CD9: variants seen among roughly 807,000 people sequenced by gnomAD.
CD9 encodes CD9 antigen.
CD9 carries 10 observed loss-of-function variants against 31.4 expected under a neutral mutation model. That is an observed-to-expected ratio of 0.32 (90% CI 0.20 to 0.54). The LOEUF (loss-of-function observed/expected upper bound fraction) is 0.54. Ranked by LOEUF, CD9 falls within the 20% of genes least tolerant of loss-of-function variation. CD9 has a pLI of 0.94. For missense variants in CD9, 259 were observed against 300.1 expected (o/e 0.86, Z 1.01); for synonymous variants, 113 against 114.1 (o/e 0.99, Z 0.06).
intron 1 of CD9, among the ~76,000 whole-genome samples, chr12:6,209,181 C>A (rs1178884107): frequency 6.6e-6 from 1 of 151,700 alleles, no homozygotes; most frequent in Non-Finnish European, 1.5e-5. Flanking sequence ...GTTGGCCAGG[C>A]TGGTCTCACC....
At chr12:6,228,150 C>T (rs1196531754) in intron 2 of CD9, among the ~76,000 whole-genome samples, 1 of 152,242 alleles carries the variant, frequency 6.6e-6, no homozygotes, top group African/African-American at 2.4e-5. Context: ...AGCGACACCC[C>T]ATTCGGGGAA....
chr12:6,228,595 C>T (rs1946400039), intron 2 of CD9, among the ~76,000 whole-genome samples: 1 of 150,836 alleles, frequency 6.6e-6, no homozygotes, highest in African/African-American at 2.4e-5. Flanking sequence ...CAGCACAGCA[C>T]TCTGAGCACT....
intron 1 of CD9, among the ~76,000 whole-genome samples, chr12:6,209,463 A>T (rs11568206): frequency 8.5e-5 from 13 of 152,256 alleles, no homozygotes; most frequent in African/African-American, 3.1e-4. Context: ...CCACTAAGAC[A>T]TATTCCTCCT....
rs1388372271 is a variant in CD9, at chr12:6,200,423, G to C, written c.-77G>C. ...ACAGCCGCCTGCATCTGTATCCAGC[G>C]CCAGGTCCCGCCAGTCCCAGCTGCG... On this transcript the variant is annotated 5_prime_UTR_variant, in exon 1 of 8. Transcript: ENST00000009180. The C allele has an allele frequency of 1.1e-6, 1 of 921,980 alleles. No individual in the cohort carries two copies. 57.1% of individuals were successfully genotyped at this position (921,980 alleles called of 1,614,324 possible).
chr12:6,222,868 C>T (rs1409079936), intron 1 of CD9, among the ~76,000 whole-genome samples: 2 of 152,178 alleles, frequency 1.3e-5, no homozygotes, highest in Non-Finnish European at 2.9e-5. Context: ...CAGCTTAGTT[C>T]CTTGGCAGAC....
chr12:6,231,074 C>T (rs187917550), intron 2 of CD9, among the ~76,000 whole-genome samples: 1 of 152,254 alleles, frequency 6.6e-6, no homozygotes, highest in African/African-American at 2.4e-5. Context: ...CATCGAGTGT[C>T]CTGCTGTGTA....
intron 1 of CD9, among the ~76,000 whole-genome samples, chr12:6,220,118 G>T (rs1426880232): frequency 6.6e-6 from 1 of 152,198 alleles, no homozygotes; most frequent in African/African-American, 2.4e-5. Context: ...CAGGATGGAT[G>T]CGACACTGGC....
At chr12:6,213,651 T>C (rs2268015) in intron 1 of CD9, among the ~76,000 whole-genome samples, 95,571 of 152,114 alleles carry the variant, frequency 0.63, 31,720 homozygotes, top group African/African-American at 0.86. Context: ...CTAGAACACC[T>C]ACACCCAGAA....
At chr12:6,206,283 C>T (rs1946131384) in intron 1 of CD9, among the ~76,000 whole-genome samples, 2 of 151,666 alleles carry the variant, frequency 1.3e-5, no homozygotes, top group Non-Finnish European at 2.9e-5. Context: ...TGTTAACAAT[C>T]ATGGCTCATG....
chr12:6,219,835 A>C (rs1056756674), intron 1 of CD9, among the ~76,000 whole-genome samples: 1 of 152,198 alleles, frequency 6.6e-6, no homozygotes, highest in African/African-American at 2.4e-5. Flanking sequence ...ATCTGGATAA[A>C]AGGCCTGATG....
At chr12:6,203,878 A>G (rs1437053631) in intron 1 of CD9, among the ~76,000 whole-genome samples, 1 of 152,176 alleles carries the variant, frequency 6.6e-6, no homozygotes. Context: ...AAAGAGGGAA[A>G]GGTTTGGCTA....
chr12:6,204,589 T>C (rs553471862), intron 1 of CD9, among the ~76,000 whole-genome samples: 21 of 152,186 alleles, frequency 1.4e-4, no homozygotes, highest in Non-Finnish European at 2.5e-4. Context: ...TATACCTTAG[T>C]ACTTGGCCTA....
chr12:6,233,392 G>A lies in CD9; in HGVS notation c.274-20G>A, dbSNP rs371739320. On this transcript the variant is annotated intron_variant, in intron 3 of 7. Coordinates refer to ENST00000009180, the MANE Select transcript of CD9 (RefSeq NM_001769.4). ...GGTTGGCTGGGACTGTTCTCACCCC[G>A]TCCCCTCGTTGCCTTCCAGTTCTTC... is the stretch of plus-strand genomic sequence containing the variant. 3.8e-5 allele frequency: 61 copies of A among 1,602,680 alleles called. No homozygotes were observed. Among genetic ancestry groups the A allele is most frequent in the East Asian group, 1.6e-4 (7 of 44,812 alleles).
chr12:6,228,999 T>C (rs988028808), intron 2 of CD9, among the ~76,000 whole-genome samples: 1 of 152,218 alleles, frequency 6.6e-6, no homozygotes, highest in African/African-American at 2.4e-5. Flanking sequence ...GTGAAAACCT[T>C]TCCAACATTC....
intron 7 of CD9, chr12:6,236,562 G>C: frequency 2.0e-6 from 1 of 490,056 alleles, no homozygotes; most frequent in Non-Finnish European, 3.6e-6. Flanking sequence ...TGCTGGCACT[G>C]CTAGTCCTCG....
intron 1 of CD9, among the ~76,000 whole-genome samples, chr12:6,220,427 G>T (rs1362348307): frequency 6.6e-6 from 1 of 152,190 alleles, no homozygotes; most frequent in Non-Finnish European, 1.5e-5. Flanking sequence ...TGGGAGAGAT[G>T]CAGTGACGAG....
chr12:6,200,505 G>A lies in CD9; in HGVS notation c.6G>A (p.Pro2=). Residue 2 remains proline (P), a synonymous_variant, in exon 1 of 8, where the codon CCG becomes CCA. Coordinates refer to ENST00000009180, the MANE Select transcript of CD9 (RefSeq NM_001769.4). The part of the protein sequence containing the change: M[P]VKGGTKCIKY... Reference sequence around the variant, plus strand: ...AGGCTAAGTTAGCCCTCACCATGCCGGTCAAAGGAGGCACCAAGTGCATCA... The same window carrying A: ...AGGCTAAGTTAGCCCTCACCATGCCAGTCAAAGGAGGCACCAAGTGCATCA... 2 of 1,610,076 alleles carry A rather than the reference G, an allele frequency of 1.2e-6. No homozygotes were observed. The highest frequency in any genetic ancestry group is 1.3e-5 in the African/African-American group (1 of 74,840).
rs1165242515 is a variant in CD9 at position 6,236,240 on chromosome 12, A to C, written c.586A>C (p.Ile196Leu). The change falls in exon 7 of 8, where the codon ATC (isoleucine) becomes CTC (leucine). Residue 196 changes from isoleucine (I) to leucine (L), a missense_variant. Ile to Leu is a conservative substitution (Grantham distance 5). Coordinates refer to ENST00000009180, the MANE Select transcript of CD9 (RefSeq NM_001769.4). ...KEVFDNKFHI[I>L]GAVGIGIAVV... ...GGTCTTCGACAATAAATTCCACATCATCGGCGCAGTGGGCATCGGCATTGC... is the reference window on the plus strand; with the variant it reads ...GGTCTTCGACAATAAATTCCACATCCTCGGCGCAGTGGGCATCGGCATTGC... 1.2e-6 allele frequency: 2 copies of C among 1,614,172 alleles called. No individual in the cohort carries two copies. The highest frequency in any genetic ancestry group is 1.7e-6 in the Non-Finnish European group (2 of 1,180,024).
chr12:6,220,699 C>G (rs1326407455), intron 1 of CD9, among the ~76,000 whole-genome samples: 7 of 152,208 alleles, frequency 4.6e-5, no homozygotes, highest in Non-Finnish European at 8.8e-5. Flanking sequence ...GAGAGAGACC[C>G]CTGCTTCTTT....
Sources: allele counts gnomAD v4.1 joint callset (sites outside exome capture counted in the v4.1 genomes callset), GRCh38; gene constraint gnomAD v4.1.1; transcripts MANE v1.5; gene names NCBI Gene and HGNC (gene_info 2026-07-23, HGNC 2026-07-21).